Variants in EFCAB13 observed in about 807,000 individuals in gnomAD.
The protein encoded by EFCAB13 is EF-hand calcium binding domain 13, also known as EF-hand calcium-binding domain-containing protein 13.
Under a neutral mutation model 110.2 loss-of-function variants are expected in EFCAB13, and 91 were observed. That is an observed-to-expected ratio of 0.83 (90% CI 0.70 to 0.98). The LOEUF (loss-of-function observed/expected upper bound fraction) is 0.98. Ranked by LOEUF, EFCAB13 falls within the 50% of genes least tolerant of loss-of-function variation. EFCAB13 has a pLI of 0.00. For synonymous variants in EFCAB13, 323 were observed against 369.9 expected (o/e 0.87, Z 1.45); for missense variants, 968 against 1,119.4 (o/e 0.86, Z 1.93).
chr17:47,368,595 A>G (rs1418019362), intron 10 of EFCAB13, among the ~76,000 whole-genome samples: 2 of 152,144 alleles, frequency 1.3e-5, no homozygotes, highest in Non-Finnish European at 2.9e-5. Flanking sequence ...TCACTGTACC[A>G]TTTCTGAGAG....
intron 21 of EFCAB13, among the ~76,000 whole-genome samples, chr17:47,410,761 G>A (rs1296201583): frequency 6.6e-6 from 1 of 152,050 alleles, no homozygotes; most frequent in Non-Finnish European, 1.5e-5. Context: ...AAGTAAGTCC[G>A]AAACCAAAAA....
chr17:47,349,974 C>A (rs955870285), intron 9 of EFCAB13, among the ~76,000 whole-genome samples: 5 of 151,656 alleles, frequency 3.3e-5, no homozygotes, highest in Non-Finnish European at 7.4e-5. Context: ...CGGGGTTTCA[C>A]CTTGTTAGCC....
At chr17:47,364,778 C>A (rs2065536784) in intron 10 of EFCAB13, among the ~76,000 whole-genome samples, 1 of 152,172 alleles carries the variant, frequency 6.6e-6, no homozygotes, top group Non-Finnish European at 1.5e-5. Context: ...TCTAATAATA[C>A]CTCTTGGGAT....
chr17:47,415,108 A>T, intron 23 of EFCAB13, 189 bp downstream of exon 23: 1 of 370,086 alleles, frequency 2.7e-6, no homozygotes, highest in Non-Finnish European at 4.9e-6. Context: ...GAAATTGGAA[A>T]TTATCATTCT....
At chr17:47,353,769 CT>C (rs2065466068) in intron 9 of EFCAB13, among the ~76,000 whole-genome samples, 1 of 152,130 alleles carries the variant, frequency 6.6e-6, no homozygotes, top group South Asian at 2.1e-4. Context: ...GCTTGGCTTG[CT>C]TTTTCTTTTT....
chr17:47,371,062 G>GTTTTTTTTTTT (rs779767798), intron 11 of EFCAB13, among the ~76,000 whole-genome samples: 23 of 108,938 alleles, frequency 2.1e-4, no homozygotes, highest in Non-Finnish European at 2.6e-4. Flanking sequence ...TTTAATGGTT[G>GTTTTTTTTTTT]TTTTTTTTTT....
intron 24 of EFCAB13, among the ~76,000 whole-genome samples, chr17:47,437,558 G>C (rs1190693380): frequency 6.6e-6 from 1 of 152,140 alleles, no homozygotes; most frequent in Non-Finnish European, 1.5e-5. Context: ...AAGTTTGCTT[G>C]TCTGATGTAA....
At chr17:47,352,285 G>T (rs773641381) in intron 9 of EFCAB13, among the ~76,000 whole-genome samples, 3 of 151,916 alleles carry the variant, frequency 2.0e-5, no homozygotes, top group Non-Finnish European at 4.4e-5. Context: ...GGGAGATAGG[G>T]GTCCAGTTTC....
chr17:47,329,616 G>T (rs1360258223), intron 4 of EFCAB13, among the ~76,000 whole-genome samples: 1 of 151,964 alleles, frequency 6.6e-6, no homozygotes, highest in Admixed American at 6.6e-5. Flanking sequence ...GTATCATACC[G>T]GTTTGTTTTC....
At chr17:47,330,202 G>T (rs1033675619) in intron 4 of EFCAB13, among the ~76,000 whole-genome samples, 2 of 151,048 alleles carry the variant, frequency 1.3e-5, no homozygotes, top group African/African-American at 2.4e-5. Context: ...TTCTTTTTGG[G>T]GGGGTGGGGA....
At chr17:47,433,724 C>T (rs1289963672) in intron 24 of EFCAB13, among the ~76,000 whole-genome samples, 1 of 152,044 alleles carries the variant, frequency 6.6e-6, no homozygotes, top group Admixed American at 6.6e-5. Context: ...CCTTCACTCC[C>T]ATTAATTAAT....
chr17:47,419,524 G>A (rs1904559236), intron 23 of EFCAB13, among the ~76,000 whole-genome samples: 1 of 152,220 alleles, frequency 6.6e-6, no homozygotes, highest in African/African-American at 2.4e-5. Context: ...GCCACAGTGA[G>A]CTGTGATCAC....
chr17:47,361,491 G>C lies in EFCAB13; in HGVS notation c.775G>C (p.Glu259Gln), dbSNP rs370547310. Residue 259 changes from glutamate (E) to glutamine (Q), a missense_variant, in exon 10 of 25, where the codon GAA becomes CAA. Physicochemically the swap from Glu to Gln is conservative, Grantham distance 29. Coordinates refer to ENST00000331493, the MANE Select transcript of EFCAB13 (RefSeq NM_152347.5). Reference protein sequence around the residue: ...MGIPINREILEEVTKHTYIDS... With the variant: ...MGIPINREILQEVTKHTYIDS... ...TATCCCTATAAACCGTGAAATTTTA[G>C]AAGAAGTGACAAAACATACCTATAT... The C allele has an allele frequency of 3.7e-6, 6 of 1,609,782 alleles. No homozygotes were observed. The African/African-American group carries it at 8.1e-5, about 22-fold the overall frequency.
rs577560959 is a variant in EFCAB13 at position 47,358,213 on chromosome 17, C to A, written c.662-3165C>A. 2.0e-4 allele frequency among the ~76,000 whole-genome samples: 30 copies of A among 152,070 alleles called. No homozygotes were observed. In the South Asian group the frequency reaches 6.2e-3, roughly 32 times the overall value. ...ACATATAATTTATGTTTTGTCAAGG[C>A]AAAATGAGTTATCAATTACTAGGCA... On this transcript the variant is annotated intron_variant, in intron 9 of 24. Transcript: ENST00000331493.
chr17:47,344,959 A>G (rs2065406884), intron 7 of EFCAB13, 57 bp from the exon 8 acceptor site: 1 of 1,304,156 alleles, frequency 7.7e-7, no homozygotes, highest in Non-Finnish European at 1.1e-6. Context: ...CTAATATTTT[A>G]AAATGGAATT....
At chr17:47,341,807 T>C (rs2065386576) in intron 5 of EFCAB13, 114 bp from the exon 6 acceptor site, 1 of 624,240 alleles carries the variant, frequency 1.6e-6, no homozygotes, top group Non-Finnish European at 2.8e-6. Flanking sequence ...CTGTTGAAAC[T>C]GGGTGATGGG....
intron 4 of EFCAB13, among the ~76,000 whole-genome samples, chr17:47,330,742 T>C (rs1411432567): frequency 6.6e-6 from 1 of 152,126 alleles, no homozygotes; most frequent in Non-Finnish European, 1.5e-5. Context: ...GTATTGTGAA[T>C]TGTGCTGAGA....
rs75829953 is a variant in EFCAB13 at position 47,325,511 on chromosome 17, C to T, written c.-247-715C>T. ...TACAAGCCACAGTTCTTACTGTCAT[C>T]TAGGGGTCCTCCATGATATGCCACT... is the stretch of plus-strand genomic sequence containing the variant. On this transcript the variant is annotated intron_variant, in intron 2 of 24. Coordinates refer to ENST00000331493, the MANE Select transcript of EFCAB13 (RefSeq NM_152347.5). 1.1e-3 allele frequency among the ~76,000 whole-genome samples: 171 copies of T among 152,302 alleles called. 1 individual carries two copies. The East Asian group carries it at 0.031, about 28-fold the overall frequency.
intron 17 of EFCAB13, among the ~76,000 whole-genome samples, chr17:47,396,415 T>TA (rs574579169): frequency 3.4e-5 from 5 of 146,246 alleles, no homozygotes; most frequent in East Asian, 2.0e-4. Flanking sequence ...TTTAGCAAGT[T>TA]AAAAAAAAAA....
Sources: gnomAD v4.1 joint callset for allele counts (sites outside exome capture counted in the v4.1 genomes callset) on GRCh38, gnomAD v4.1.1 for gene constraint, MANE v1.5 for transcripts, NCBI Gene and HGNC (gene_info 2026-07-23, HGNC 2026-07-21) for gene names.